The following FAM227B variants were observed in gnomAD, a reference collection of about 807,000 sequenced individuals.
The protein encoded by FAM227B is family with sequence similarity 227 member B.
A neutral mutation model predicts 73.8 loss-of-function variants in FAM227B; 88 were observed. The observed-to-expected ratio is 1.19, with a 90% CI of 1.00 to 1.42. FAM227B has a LOEUF of 1.42. FAM227B is among the 40% of genes most tolerant of loss of function. FAM227B has a pLI of 0.00. For missense variants in FAM227B, 632 were observed against 590.9 expected, an observed-to-expected ratio of 1.07 and a Z score of -0.72; for synonymous variants, 210 against 190.5, an observed-to-expected ratio of 1.10 and a Z score of -0.84.
intron 11 of FAM227B, among the ~76,000 whole-genome samples, chr15:49,449,537 G>T (rs1427910579): frequency 6.6e-6 from 1 of 151,896 alleles, no homozygotes; most frequent in Non-Finnish European, 1.5e-5. Context: ...AATTGCACAG[G>T]GTGGGGCCAG....
intron 3 of FAM227B, among the ~76,000 whole-genome samples, chr15:49,591,822 G>C (rs1333760692): frequency 6.6e-6 from 1 of 152,004 alleles, no homozygotes; most frequent in Non-Finnish European, 1.5e-5. Context: ...TTGTGTATGT[G>C]TGCATGTATA....
intron 13 of FAM227B, among the ~76,000 whole-genome samples, chr15:49,355,180 C>T (rs1294812573): frequency 2.6e-5 from 4 of 152,008 alleles, no homozygotes; most frequent in South Asian, 2.1e-4. Context: ...AAAAGCAGAG[C>T]GCCTCTCCTC....
chr15:49,511,798 G>A (rs924703033), intron 10 of FAM227B, among the ~76,000 whole-genome samples: 10 of 152,188 alleles, frequency 6.6e-5, no homozygotes, highest in African/African-American at 2.4e-4. Flanking sequence ...TCCTTTCTGT[G>A]GTTGCATAGC....
intron 11 of FAM227B, among the ~76,000 whole-genome samples, chr15:49,412,690 T>C (rs2048950541): frequency 6.6e-6 from 1 of 152,092 alleles, no homozygotes; most frequent in African/African-American, 2.4e-5. Context: ...GCCTATGATA[T>C]GCTGGTTGTC....
chr15:49,520,207 T>C (rs2059683046), intron 10 of FAM227B, among the ~76,000 whole-genome samples: 1 of 152,224 alleles, frequency 6.6e-6, no homozygotes, highest in Non-Finnish European at 1.5e-5. Flanking sequence ...CTGGACTTTA[T>C]TGTCCATATC....
chr15:49,455,257 C>T (rs777305525), intron 11 of FAM227B, among the ~76,000 whole-genome samples: 20 of 152,112 alleles, frequency 1.3e-4, no homozygotes, highest in Non-Finnish European at 2.4e-4. Context: ...ACAGTGTTAA[C>T]AAAGCGGCCA....
chr15:49,556,675 G>C (rs1268070959), intron 9 of FAM227B, among the ~76,000 whole-genome samples: 1 of 151,950 alleles, frequency 6.6e-6, no homozygotes, highest in Non-Finnish European at 1.5e-5. Context: ...GACAGACAGG[G>C]GGCACTCAGG....
intron 3 of FAM227B, among the ~76,000 whole-genome samples, chr15:49,593,033 C>T (rs368740421): frequency 8.2e-4 from 125 of 152,312 alleles, no homozygotes; most frequent in African/African-American, 2.9e-3. Flanking sequence ...GTTGCTAATA[C>T]CGTGGGAAAG....
At chr15:49,426,466 G>A (rs1361725097) in intron 11 of FAM227B, among the ~76,000 whole-genome samples, 1 of 151,852 alleles carries the variant, frequency 6.6e-6, no homozygotes, top group Non-Finnish European at 1.5e-5. Flanking sequence ...CAAAAAAGTA[G>A]ATGTAAAATC....
chr15:49,596,842 A>G (rs2076912913), intron 3 of FAM227B, among the ~76,000 whole-genome samples: 1 of 152,022 alleles, frequency 6.6e-6, no homozygotes, highest in African/African-American at 2.4e-5. Context: ...GACAAAATAA[A>G]CTTTAAAGCA....
chr15:49,463,550 C>CAAAAAA (rs34545202), intron 11 of FAM227B, among the ~76,000 whole-genome samples: 16 of 125,888 alleles, frequency 1.3e-4, no homozygotes, highest in African/African-American at 4.8e-4. Context: ...GATTCCGTCT[C>CAAAAAA]AAAAAAAAAA....
At position 49,360,254 on chromosome 15, in the gene FAM227B, G is replaced by C. The variant is rs200659932; in HGVS notation, c.1271+7194C>G. Among the ~76,000 whole-genome samples the C allele has an allele frequency of 2.1e-4, 30 of 139,808 alleles. No individual in the cohort carries two copies. In the East Asian group the frequency reaches 6.2e-3, roughly 29 times the overall value. 91.7% of individuals were successfully genotyped at this position (139,808 alleles called of 152,430 possible). A position where few individuals can be genotyped will look rare whatever the true frequency, so the allele number is the denominator to read the frequency against. On this transcript the variant is annotated intron_variant, in intron 13 of 15. Transcript: ENST00000299338. ...TATAGTATAAGGAAAAAAAAAAAAA[G>C]TCTGTGTATGCATGTGTGATAGTGG... is the stretch of plus-strand genomic sequence containing the variant.
intron 11 of FAM227B, among the ~76,000 whole-genome samples, chr15:49,395,010 G>T (rs2047475415): frequency 6.6e-6 from 1 of 152,016 alleles, no homozygotes; most frequent in Non-Finnish European, 1.5e-5. Flanking sequence ...TAAGAGAGGA[G>T]GATTAAAATA....
intron 11 of FAM227B, among the ~76,000 whole-genome samples, chr15:49,430,730 C>T (rs189708853): frequency 6.6e-6 from 1 of 151,774 alleles, no homozygotes; most frequent in African/African-American, 2.4e-5. Flanking sequence ...TCTAACAACC[C>T]ATTCTCTTCA....
intron 11 of FAM227B, among the ~76,000 whole-genome samples, chr15:49,440,789 A>G (rs1439125614): frequency 2.0e-5 from 3 of 151,694 alleles, no homozygotes; most frequent in Non-Finnish European, 3.0e-5. Flanking sequence ...GCTCTACAGA[A>G]ATGAAAAGCC....
rs552901474 is a variant in FAM227B, at chr15:49,346,241, T to C, written c.1272-10745A>G. On this transcript the variant is annotated intron_variant, in intron 13 of 15. Coordinates refer to ENST00000299338, the MANE Select transcript of FAM227B (RefSeq NM_152647.3). ...AGACCACCAGCCCTTGAGCTGGGCC[T>C]GCGCAAGTGCGCAACAAATGGCCTT... is the stretch of plus-strand genomic sequence containing the variant. 3.5e-4 allele frequency among the ~76,000 whole-genome samples: 54 copies of C among 152,318 alleles called. 1 individual carries two copies. The South Asian group carries it at 0.01, about 29-fold the overall frequency.
chr15:49,413,241 T>A (rs1198938924), intron 11 of FAM227B, among the ~76,000 whole-genome samples: 1 of 152,068 alleles, frequency 6.6e-6, no homozygotes, highest in African/African-American at 2.4e-5. Flanking sequence ...CTCCATACTG[T>A]TCTCATGGTA....
At chr15:49,332,580 C>T (rs2038990303) in intron 14 of FAM227B, among the ~76,000 whole-genome samples, 1 of 152,056 alleles carries the variant, frequency 6.6e-6, no homozygotes, top group South Asian at 2.1e-4. Flanking sequence ...AGGATAGAAA[C>T]TTGAGAGAAG....
At chr15:49,451,592 T>C (rs2052748790) in intron 11 of FAM227B, among the ~76,000 whole-genome samples, 2 of 152,140 alleles carry the variant, frequency 1.3e-5, no homozygotes, top group South Asian at 4.1e-4. Flanking sequence ...TCAATTCACC[T>C]TTAAATGTAC....
Sources: gnomAD v4.1 joint callset for allele counts (sites outside exome capture counted in the v4.1 genomes callset) on GRCh38, gnomAD v4.1.1 for gene constraint, MANE v1.5 for transcripts, NCBI Gene and HGNC (gene_info 2026-07-23, HGNC 2026-07-21) for gene names.